The following BARX2 variants were observed in gnomAD, a reference collection of about 807,000 sequenced individuals.
The protein encoded by BARX2 is homeobox protein BarH-like 2.
A neutral mutation model predicts 25.5 loss-of-function variants in BARX2; 11 were observed. The observed-to-expected ratio is 0.43, with a 90% CI of 0.27 to 0.71. The LOEUF is 0.71. Ranked by LOEUF, BARX2 falls within the 30% of genes least tolerant of loss-of-function variation. BARX2 has a pLI of 0.19. For synonymous variants in BARX2, 137 were observed against 149.5 expected, an observed-to-expected ratio of 0.92 and a Z score of 0.61; for missense variants, 360 against 359.9, an observed-to-expected ratio of 1.00 and a Z score of 0.00.
intron 1 of BARX2, among the ~76,000 whole-genome samples, chr11:129,428,007 A>G (rs1449083476): frequency 3.9e-5 from 6 of 152,254 alleles, no homozygotes; most frequent in Admixed American, 3.9e-4. Context: ...ACAGATTCTC[A>G]AAAAGGCCGA....
At chr11:129,423,422 G>C (rs757030487) in intron 1 of BARX2, among the ~76,000 whole-genome samples, 5 of 152,130 alleles carry the variant, frequency 3.3e-5, no homozygotes, top group Non-Finnish European at 7.4e-5. Context: ...GCCCAGATTG[G>C]ATTTTTAAAA....
intron 1 of BARX2, among the ~76,000 whole-genome samples, chr11:129,413,827 G>C (rs1042207001): frequency 5.3e-5 from 8 of 152,178 alleles, no homozygotes; most frequent in African/African-American, 1.9e-4. Context: ...ACTTTGGGAG[G>C]CCGAGGCAGG....
At chr11:129,392,566 G>T (rs145506636) in intron 1 of BARX2, among the ~76,000 whole-genome samples, 1 of 152,258 alleles carries the variant, frequency 6.6e-6, no homozygotes, top group East Asian at 1.9e-4. Context: ...AATACTATGT[G>T]CCAGGAACTG....
intron 1 of BARX2, among the ~76,000 whole-genome samples, chr11:129,423,060 A>T (rs978625287): frequency 2.0e-5 from 3 of 151,708 alleles, no homozygotes; most frequent in African/African-American, 7.3e-5. Flanking sequence ...AAGTCAAGCC[A>T]TAGAGAGATT....
At chr11:129,378,469 G>A (rs530224268) in intron 1 of BARX2, among the ~76,000 whole-genome samples, 1 of 151,716 alleles carries the variant, frequency 6.6e-6, no homozygotes, top group African/African-American at 2.4e-5. Context: ...TTGATTAGAT[G>A]AATGTAATCT....
rs142202198 is a variant in BARX2, at chr11:129,446,653, A to G, written c.573+3734A>G. Among the ~76,000 whole-genome samples the G allele has an allele frequency of 7.2e-5, 11 of 152,276 alleles. No individual in the cohort carries two copies. In the East Asian group the frequency reaches 1.4e-3, roughly 19 times the overall value. ...GATACATAAGCCAAAAGTGAATTCT[A>G]TGAGTTTCAGGGACTCCGCACAGCC... On this transcript the variant is annotated intron_variant, in intron 3 of 3. Coordinates refer to ENST00000281437, the MANE Select transcript of BARX2 (RefSeq NM_003658.5).
At chr11:129,395,784 T>A (rs1861714031) in intron 1 of BARX2, among the ~76,000 whole-genome samples, 1 of 152,202 alleles carries the variant, frequency 6.6e-6, no homozygotes, top group African/African-American at 2.4e-5. Flanking sequence ...GCAGCAGGAC[T>A]TGGAGCCTGA....
At chr11:129,414,640 C>A (rs1475323859) in intron 1 of BARX2, among the ~76,000 whole-genome samples, 1 of 152,182 alleles carries the variant, frequency 6.6e-6, no homozygotes, top group African/African-American at 2.4e-5. Flanking sequence ...CCCATATTAG[C>A]ATTACATGCA....
At chr11:129,431,843 C>T (rs553242526) in intron 1 of BARX2, among the ~76,000 whole-genome samples, 23 of 152,088 alleles carry the variant, frequency 1.5e-4, no homozygotes, top group African/African-American at 4.8e-4. Context: ...TAAGAATTCT[C>T]TACCTAACCC....
In BARX2 at chr11:129,436,605, C is replaced by G; in HGVS notation, c.188-146C>G. 4.6e-6 allele frequency: 4 copies of G among 866,704 alleles called. No homozygotes were observed. The highest frequency in any genetic ancestry group is 5.2e-6 in the Non-Finnish European group (3 of 573,466). The allele number at this position is 866,704 out of a possible 1,614,324, so 53.7% of individuals were successfully genotyped here. The stretch of plus-strand genomic sequence containing the variant: ...CCCTGCAGCTGTAGGTCTTGAGTTA[C>G]CTCTCCTTCCCCTTCCTCCATCTGT... On this transcript the variant is annotated intron_variant, in intron 1 of 3. Transcript: ENST00000281437. This position sits in a 1 kb window ranked among gnomAD's most constrained non-coding sequence, Gnocchi z 4.5.
intron 1 of BARX2, among the ~76,000 whole-genome samples, chr11:129,380,749 G>T (rs1262395258): frequency 6.6e-6 from 1 of 151,994 alleles, no homozygotes; most frequent in Non-Finnish European, 1.5e-5. Flanking sequence ...AGCTCTTTTG[G>T]GATCCTTAAC....
rs1187461897 is a variant in BARX2 at position 129,396,822 on chromosome 11, C to A, written c.187+20600C>A. Among the ~76,000 whole-genome samples, 4 of 152,148 alleles carry A rather than the reference C, an allele frequency of 2.6e-5. No individual in the cohort carries two copies. In the East Asian group the frequency reaches 7.7e-4, roughly 29 times the overall value. On this transcript the variant is annotated intron_variant, in intron 1 of 3. Coordinates refer to ENST00000281437, the MANE Select transcript of BARX2 (RefSeq NM_003658.5). ...CTGTGTCTCCTAGAACCCCTGAACT[C>A]TTTTGCCCCAAGATGCCCCAGAAGA...
In BARX2 at chr11:129,451,174, A is replaced by G; in HGVS notation, c.612A>G (p.Lys204=). The change falls in exon 4 of 4, where the codon AAA becomes AAG. Residue 204 remains lysine (K), a synonymous_variant. Transcript: ENST00000281437. Reference sequence around the variant, plus strand: ...GACAGGAAGCACCCACAAAACCCAAAGGTCGCCCCAAGAAGAACTCCATCC... The same window carrying G: ...GACAGGAAGCACCCACAAAACCCAAGGGTCGCCCCAAGAAGAACTCCATCC... The part of the protein sequence containing the change: ...KGGQEAPTKP[K]GRPKKNSIPT... 6.2e-7 allele frequency: 1 copy of G among 1,614,126 alleles called. No individual in the cohort carries two copies. The highest frequency in any genetic ancestry group is 8.5e-7 in the Non-Finnish European group (1 of 1,180,006).
At chr11:129,396,501 G>T (rs1476402460) in intron 1 of BARX2, among the ~76,000 whole-genome samples, 3 of 151,804 alleles carry the variant, frequency 2.0e-5, no homozygotes, top group Admixed American at 6.6e-5. Context: ...TAAATTAAAG[G>T]ATTTATTTGT....
At chr11:129,432,044 T>A (rs1862135645) in intron 1 of BARX2, among the ~76,000 whole-genome samples, 1 of 151,298 alleles carries the variant, frequency 6.6e-6, no homozygotes. Flanking sequence ...CCAGCACCAT[T>A]TTTTTAAGCA....
Position 129,427,690 on chromosome 11 carries a change from T to C in BARX2, c.188-9061T>C, listed in dbSNP as rs562854189. 1.1e-4 allele frequency among the ~76,000 whole-genome samples: 16 copies of C among 152,276 alleles called. No individual in the cohort carries two copies. In the South Asian group the frequency reaches 3.1e-3, roughly 30 times the overall value. ...AGAAGAGAAGCCCACAGGAGGTGTG[T>C]GAGGGCAGAAACTGTACTTGGGGGA... is the stretch of plus-strand genomic sequence containing the variant. On this transcript the variant is annotated intron_variant, in intron 1 of 3. Coordinates refer to ENST00000281437, the MANE Select transcript of BARX2 (RefSeq NM_003658.5).
chr11:129,440,914 G>C (rs1380303098), intron 2 of BARX2, among the ~76,000 whole-genome samples: 2 of 152,194 alleles, frequency 1.3e-5, no homozygotes, highest in Non-Finnish European at 2.9e-5. Context: ...CTTTCAAAAA[G>C]TGGGGGTTGC....
intron 3 of BARX2, 59 bp from the exon 4 acceptor site, chr11:129,451,077 G>A (rs1317951149): frequency 6.3e-7 from 1 of 1,575,922 alleles, no homozygotes; most frequent in Non-Finnish European, 8.6e-7. Flanking sequence ...TACTGGGAGT[G>A]GAAAGGTGGA....
chr11:129,419,379 G>A (rs1488771198), intron 1 of BARX2, among the ~76,000 whole-genome samples: 1 of 152,144 alleles, frequency 6.6e-6, no homozygotes, highest in African/African-American at 2.4e-5. Context: ...TTGGCCTGTG[G>A]GAAAATTGGT....
Sources: gnomAD v4.1 joint callset for allele counts (sites outside exome capture counted in the v4.1 genomes callset) on GRCh38, gnomAD v4.1.1 for gene constraint, Gnocchi (gnomAD v3.1) non-coding constraint, MANE v1.5 for transcripts, NCBI Gene and HGNC (gene_info 2026-07-23, HGNC 2026-07-21) for gene names.